Variants in RABGAP1L observed in about 807,000 individuals in gnomAD.
The protein encoded by RABGAP1L is rab GTPase-activating protein 1-like.
RABGAP1L carries 63 observed loss-of-function variants against 137.7 expected under a neutral mutation model. The ratio of observed to expected loss-of-function variants is 0.46; its 90% confidence interval spans 0.37 to 0.56. The LOEUF is 0.56. RABGAP1L is among the 20% of genes least tolerant of loss of function. The probability of loss-of-function intolerance (pLI) is 0.00; values close to 1 mark genes in which losing one functional copy is unlikely to be tolerated. For missense variants in RABGAP1L, 1,095 were observed against 1,244.0 expected (o/e 0.88, Z 1.80); for synonymous variants, 431 against 433.7 (o/e 0.99, Z 0.08).
chr1:174,944,881 G>C (rs771007880), intron 19 of RABGAP1L, among the ~76,000 whole-genome samples: 25 of 152,128 alleles, frequency 1.6e-4, no homozygotes, highest in Admixed American at 3.3e-4. Context: ...ATTTCTTAGA[G>C]CATAAATGTC....
Position 174,364,445 on chromosome 1 carries a change from G to A in RABGAP1L, c.1466-6534G>A, listed in dbSNP as rs371265250. On this transcript the variant is annotated intron_variant, in intron 11 of 25. Coordinates refer to ENST00000681986, the MANE Select transcript of RABGAP1L (RefSeq NM_001366446.1). ...AATTTTTTGTATTTTTAGTAGAGAC[G>A]GGGTTTCACCGTTTTAGCCGGGATG... Among the ~76,000 whole-genome samples the A allele has an allele frequency of 3.2e-4, 48 of 150,202 alleles. 1 individual carries two copies. Among genetic ancestry groups the A allele is most frequent in the African/African-American group, 1.1e-3 (45 of 40,902 alleles).
chr1:174,387,546 C>CT (rs5778801), intron 12 of RABGAP1L, among the ~76,000 whole-genome samples: 15,122 of 144,868 alleles, frequency 0.1, 1,661 homozygotes, highest in African/African-American at 0.28. Context: ...TTGGGTTTTT[C>CT]TTTTTTTTTT....
At chr1:174,892,429 A>G in intron 19 of RABGAP1L, 2 of 417,246 alleles carry the variant, frequency 4.8e-6, no homozygotes, top group Non-Finnish European at 9.2e-6. Context: ...ATGAATATCA[A>G]CACGAAATTG....
intron 12 of RABGAP1L, among the ~76,000 whole-genome samples, chr1:174,389,289 T>C (rs1045257886): frequency 1.3e-5 from 2 of 152,002 alleles, no homozygotes; most frequent in Non-Finnish European, 2.9e-5. Flanking sequence ...TCTTTTCCTT[T>C]CTAGAGAGAA....
rs115867965 is a variant in RABGAP1L, at chr1:174,561,007, T to G, written c.1711-76368T>G. 9.5e-3 allele frequency among the ~76,000 whole-genome samples: 1,446 copies of G among 152,260 alleles called. 24 individuals are homozygous for G. Among genetic ancestry groups the G allele is most frequent in the African/African-American group, 0.033 (1,387 of 41,540 alleles). On this transcript the variant is annotated intron_variant, in intron 13 of 25. Coordinates refer to ENST00000681986, the MANE Select transcript of RABGAP1L (RefSeq NM_001366446.1). ...AGTTACTTATGTGTGTAAATAAAAT[T>G]TAGAGCCAGGGTGAACAAACAAGGC... is the stretch of plus-strand genomic sequence containing the variant.
intron 17 of RABGAP1L, among the ~76,000 whole-genome samples, chr1:174,751,541 G>C (rs1284666285): frequency 6.6e-6 from 1 of 152,122 alleles, no homozygotes; most frequent in African/African-American, 2.4e-5. Flanking sequence ...ACATTTTGTA[G>C]CAAACATTTC....
intron 1 of RABGAP1L, among the ~76,000 whole-genome samples, chr1:174,162,779 T>G (rs1664596638): frequency 3.1e-5 from 1 of 32,268 alleles, no homozygotes; most frequent in Admixed American, 2.6e-4. Flanking sequence ...CTCTTTCTGT[T>G]TTTTTTTTTT....
chr1:174,636,794 G>A (rs1674080104), intron 13 of RABGAP1L, among the ~76,000 whole-genome samples: 1 of 152,074 alleles, frequency 6.6e-6, no homozygotes, highest in Admixed American at 6.6e-5. Context: ...ATCAAAATTG[G>A]AAATGCATGT....
In RABGAP1L at chr1:174,470,724, G is replaced by A. The variant is rs190309127; in HGVS notation, c.1710+76579G>A. The stretch of plus-strand genomic sequence containing the variant: ...GGAGGTTACAGTGAGCCAAGATGGC[G>A]GCATTGCACTCCAGCCTGGGTGGAC... On this transcript the variant is annotated intron_variant, in intron 13 of 25. Transcript: ENST00000681986. 2.0e-3 allele frequency among the ~76,000 whole-genome samples: 307 copies of A among 152,134 alleles called. 1 individual carries two copies. Among genetic ancestry groups the A allele is most frequent in the African/African-American group, 6.8e-3 (283 of 41,508 alleles).
rs1558334348 is a variant in RABGAP1L, at chr1:174,550,990, A to ATATATATATATG, written c.1711-86379_1711-86378insTATATGTATATA. ...TATATACATGTATATATACATATAT[A>ATATATATATATG]TATATACACATATATATATATATAT... is the stretch of plus-strand genomic sequence containing the variant. On this transcript the variant is annotated intron_variant, in intron 13 of 25. Coordinates refer to ENST00000681986, the MANE Select transcript of RABGAP1L (RefSeq NM_001366446.1). Among the ~76,000 whole-genome samples, 9 of 96,312 alleles carry ATATATATATATG rather than the reference A, an allele frequency of 9.3e-5. 1 individual carries two copies. Among genetic ancestry groups the ATATATATATATG allele is most frequent in the African/African-American group, 6.7e-4 (9 of 13,424 alleles). The allele number at this position is 96,312 out of a possible 152,430, so 63.2% of individuals were successfully genotyped here.
At chr1:174,408,015 C>T (rs568579873) in intron 13 of RABGAP1L, among the ~76,000 whole-genome samples, 1 of 152,284 alleles carries the variant, frequency 6.6e-6, no homozygotes, top group Admixed American at 6.5e-5. Flanking sequence ...GTATGTACTA[C>T]ATTTAACTTT....
intron 15 of RABGAP1L, among the ~76,000 whole-genome samples, chr1:174,696,910 G>A (rs1679302585): frequency 6.6e-6 from 1 of 152,172 alleles, no homozygotes; most frequent in Admixed American, 6.5e-5. Flanking sequence ...GTTCTTGAGG[G>A]AGGATGATTG....
intron 13 of RABGAP1L, among the ~76,000 whole-genome samples, chr1:174,542,993 A>G (rs11484645): frequency 0.35 from 53,603 of 151,990 alleles, 12,102 homozygotes; most frequent in African/African-American, 0.64. Context: ...TAACATTTGC[A>G]GAGGAGTGCT....
intron 13 of RABGAP1L, among the ~76,000 whole-genome samples, chr1:174,561,780 GT>G (rs1342148367): frequency 6.6e-6 from 1 of 152,176 alleles, no homozygotes; most frequent in East Asian, 1.9e-4. Context: ...AATAAATGGT[GT>G]TGGGAAAACT....
intron 14 of RABGAP1L, among the ~76,000 whole-genome samples, chr1:174,663,121 G>A (rs535847928): frequency 6.6e-6 from 1 of 152,230 alleles, no homozygotes; most frequent in East Asian, 1.9e-4. Context: ...CTGCATTAGT[G>A]TACAGTAATG....
chr1:174,780,100 AAATAAATAAATAAATAAATT>A (rs1448304472), intron 18 of RABGAP1L, among the ~76,000 whole-genome samples: 9 of 118,044 alleles, frequency 7.6e-5, no homozygotes, highest in Non-Finnish European at 1.9e-4. Context: ...ATAAATAAAT[AAATAAATAAATAAATAAATT>A]AAATAAGCCC....
At chr1:174,360,401 A>C (rs1193459394) in intron 11 of RABGAP1L, among the ~76,000 whole-genome samples, 3 of 152,198 alleles carry the variant, frequency 2.0e-5, no homozygotes, top group Non-Finnish European at 4.4e-5. Flanking sequence ...AATTGCTATT[A>C]ATAGTTTGGC....
At chr1:174,789,807 T>C (rs921546466) in intron 18 of RABGAP1L, among the ~76,000 whole-genome samples, 1 of 152,218 alleles carries the variant, frequency 6.6e-6, no homozygotes, top group African/African-American at 2.4e-5. Flanking sequence ...AAGGATCTTA[T>C]TTTGTGTTTG....
chr1:174,427,381 A>G (rs1359727573), intron 13 of RABGAP1L, among the ~76,000 whole-genome samples: 1 of 151,856 alleles, frequency 6.6e-6, no homozygotes, highest in African/African-American at 2.4e-5. Flanking sequence ...CAGTTTAGCA[A>G]CTTCATTTCT....
Sources: gnomAD v4.1 joint callset for allele counts (sites outside exome capture counted in the v4.1 genomes callset) on GRCh38, gnomAD v4.1.1 for gene constraint, MANE v1.5 for transcripts, NCBI Gene and HGNC (gene_info 2026-07-23, HGNC 2026-07-21) for gene names.